Variants in LIMS1 observed in about 807,000 individuals in gnomAD.
LIMS1 encodes the protein LIM zinc finger domain containing 1.
In LIMS1, 18 loss-of-function variants were observed where a neutral mutation model predicts 44.1. The ratio of observed to expected loss-of-function variants is 0.41; its 90% CI spans 0.28 to 0.61. The LOEUF (loss-of-function observed/expected upper bound fraction) is 0.61. LIMS1 is among the 20% of genes least tolerant of loss of function. The pLI, the probability that LIMS1 is intolerant of heterozygous loss-of-function variation, is 0.32. For synonymous variants in LIMS1, 93 were observed against 149.1 expected (o/e 0.62, Z 2.74); for missense variants, 201 against 422.0 (o/e 0.48, Z 4.59).
intron 1 of LIMS1, among the ~76,000 whole-genome samples, chr2:108,646,499 A>G (rs574678115): frequency 2.6e-4 from 40 of 152,322 alleles, no homozygotes; most frequent in African/African-American, 8.2e-4. Context: ...AGGGAAATTT[A>G]TAGCACTAAA....
chr2:108,591,288 C>A (rs921654875), intron 1 of LIMS1, among the ~76,000 whole-genome samples: 2 of 152,132 alleles, frequency 1.3e-5, no homozygotes, highest in Admixed American at 1.3e-4. Context: ...ATGGGTAATG[C>A]CAGATGTGTG....
exon 2 of LIMS1, chr2:108,659,728 G>C (rs775191457): frequency 6.2e-7 from 1 of 1,612,332 alleles, no homozygotes; most frequent in Non-Finnish European, 8.5e-7. Context: ...TGTGCGCTCA[G>C]TGCTTCCAGC....
At chr2:108,593,351 C>G (rs1429426072) in intron 1 of LIMS1, among the ~76,000 whole-genome samples, 1 of 152,106 alleles carries the variant, frequency 6.6e-6, no homozygotes, top group African/African-American at 2.4e-5. Flanking sequence ...ATCTTCTCCC[C>G]TTCGATTGCC....
At chr2:108,621,509 TA>T in intron 1 of LIMS1, 1 of 1,339,198 alleles carries the variant, frequency 7.5e-7, no homozygotes, top group Non-Finnish European at 1.0e-6. Flanking sequence ...TCTAATCTAG[TA>T]AGTGCAGTGG....
chr2:108,613,161 T>C (rs1217973903), intron 1 of LIMS1, among the ~76,000 whole-genome samples: 1 of 152,182 alleles, frequency 6.6e-6, no homozygotes, highest in Non-Finnish European at 1.5e-5. Context: ...ACACATAATG[T>C]GCTGGGTAGG....
chr2:108,543,630 T>C (rs1684386251), intron 1 of LIMS1, among the ~76,000 whole-genome samples: 1 of 152,170 alleles, frequency 6.6e-6, no homozygotes, highest in Non-Finnish European at 1.5e-5. Flanking sequence ...TTAGATGAAG[T>C]AAATCTACTG....
intron 1 of LIMS1, among the ~76,000 whole-genome samples, chr2:108,568,871 C>G (rs1685385149): frequency 6.6e-6 from 1 of 151,986 alleles, no homozygotes; most frequent in African/African-American, 2.4e-5. Context: ...ATGTTGTAAC[C>G]AGGCTATTTG....
intron 1 of LIMS1, among the ~76,000 whole-genome samples, chr2:108,599,391 A>G (rs1243539563): frequency 9.9e-5 from 15 of 152,228 alleles, no homozygotes; most frequent in Admixed American, 9.8e-4. Context: ...TTATGGCTGA[A>G]TAATACTCCA....
At chr2:108,598,759 G>A (rs1471709702) in intron 1 of LIMS1, among the ~76,000 whole-genome samples, 2 of 152,146 alleles carry the variant, frequency 1.3e-5, no homozygotes, top group Non-Finnish European at 2.9e-5. Context: ...AAAAGCTGTG[G>A]TTGTGTGGGT....
intron 1 of LIMS1, among the ~76,000 whole-genome samples, chr2:108,535,740 C>T (rs1473988174): frequency 6.6e-6 from 1 of 152,174 alleles, no homozygotes; most frequent in Non-Finnish European, 1.5e-5. Context: ...TGCTTTTTAT[C>T]ATTGGGAGCA....
intron 1 of LIMS1, among the ~76,000 whole-genome samples, chr2:108,635,305 G>A (rs1382304523): frequency 6.6e-6 from 1 of 151,848 alleles, no homozygotes; most frequent in African/African-American, 2.4e-5. Context: ...GCAGGTGCCT[G>A]TAATCCCAGC....
At chr2:108,656,453 A>G (rs1180640347) in intron 1 of LIMS1, among the ~76,000 whole-genome samples, 6 of 152,242 alleles carry the variant, frequency 3.9e-5, no homozygotes, top group Non-Finnish European at 7.3e-5. Context: ...GGTAGCTATA[A>G]CTGTCACTAA....
intron 9 of LIMS1, chr2:108,681,380 G>C (rs1362730305): frequency 7.1e-6 from 7 of 983,202 alleles, no homozygotes; most frequent in Admixed American, 1.2e-4. Context: ...TTACTCTGTA[G>C]ACTCACTCAC....
Position 108,663,751 on chromosome 2 carries a change from A to AT in LIMS1, c.192+3992dup, listed in dbSNP as rs1388152196. Among the ~76,000 whole-genome samples, 26 of 148,868 alleles carry AT rather than the reference A, an allele frequency of 1.7e-4. 1 individual carries two copies. The highest frequency in any genetic ancestry group is 1.5e-3 in the Admixed American group (22 of 14,910). On this transcript the variant is annotated intron_variant, in intron 2 of 9. Transcript: ENST00000544547. ...TAAAGACCCATTTTTTTAATTTTTT[A>AT]TTTTTATTTTTATTTTTTTTGAGAC...
At chr2:108,568,974 C>A (rs1685389208) in intron 1 of LIMS1, among the ~76,000 whole-genome samples, 1 of 152,078 alleles carries the variant, frequency 6.6e-6, no homozygotes, top group African/African-American at 2.4e-5. Flanking sequence ...TCACTGCAAC[C>A]TCCGCCTCCC....
At chr2:108,567,588 T>G (rs1685337102) in intron 1 of LIMS1, among the ~76,000 whole-genome samples, 1 of 152,312 alleles carries the variant, frequency 6.6e-6, no homozygotes, top group South Asian at 2.1e-4. Flanking sequence ...TTTTTGTTTT[T>G]TGAGATGGAG....
intron 1 of LIMS1, among the ~76,000 whole-genome samples, chr2:108,649,825 G>A (rs1690337519): frequency 6.6e-6 from 1 of 152,150 alleles, no homozygotes; most frequent in South Asian, 2.1e-4. Context: ...TCGGTGGGTG[G>A]GGGATAGGGG....
intron 1 of LIMS1, among the ~76,000 whole-genome samples, chr2:108,535,035 TA>T (rs1157028588): frequency 1.3e-5 from 2 of 152,232 alleles, no homozygotes; most frequent in Non-Finnish European, 2.9e-5. Flanking sequence ...ACTCATTGAA[TA>T]AATCCGTGGT....
intron 1 of LIMS1, among the ~76,000 whole-genome samples, chr2:108,562,780 A>T (rs1012761938): frequency 5.2e-5 from 8 of 152,382 alleles, no homozygotes; most frequent in Non-Finnish European, 1.0e-4. Flanking sequence ...ACCAAACAAC[A>T]GATTGTCAGT....
Sources: gnomAD v4.1 joint callset for allele counts (sites outside exome capture counted in the v4.1 genomes callset) on GRCh38, gnomAD v4.1.1 for gene constraint, MANE v1.5 for transcripts, NCBI Gene and HGNC (gene_info 2026-07-23, HGNC 2026-07-21) for gene names.